The following TPST1 variants were observed in gnomAD, a reference collection of about 807,000 sequenced individuals.
TPST1 encodes the protein protein-tyrosine sulfotransferase 1.
TPST1 carries 20 observed loss-of-function variants against 34.8 expected under a neutral mutation model. That is an observed-to-expected ratio of 0.57 (90% CI 0.40 to 0.84). The LOEUF is 0.84. Among genes scored for constraint, TPST1 ranks in the 40% least tolerant of loss-of-function variants. The pLI is 0.00. For missense variants in TPST1, 353 were observed against 455.5 expected (o/e 0.78, Z 2.05); for synonymous variants, 152 against 159.4 (o/e 0.95, Z 0.35).
rs933944489 is a variant in TPST1, at chr7:66,356,736, G to A, written c.1096-89G>A. ...TCATCTGAAAGTGAACAGAGCCTGCGGGCCACCCCTCATGTTTCAGTGGGG... is the reference window on the plus strand; with the variant it reads ...TCATCTGAAAGTGAACAGAGCCTGCAGGCCACCCCTCATGTTTCAGTGGGG... On this transcript the variant is annotated intron_variant, in intron 4 of 5. Coordinates refer to ENST00000304842, the MANE Select transcript of TPST1 (RefSeq NM_003596.4). 5.7e-5 allele frequency: 84 copies of A among 1,481,004 alleles called. No homozygotes were observed. The African/African-American group carries it at 8.6e-4, about 15-fold the overall frequency. The allele number at this position is 1,481,004 out of a possible 1,614,324, so 91.7% of individuals were successfully genotyped here.
At position 66,210,488 on chromosome 7, in the gene TPST1, G is replaced by A. The variant is rs79857699; in HGVS notation, c.-102+4966G>A. 4.5e-4 allele frequency among the ~76,000 whole-genome samples: 68 copies of A among 152,324 alleles called. No homozygotes were observed. In the East Asian group the frequency reaches 0.013, roughly 28 times the overall value. ...CACCTGGGGAGCTTTTAAAGAATGAGGATGGGGGATCGAGGCATCCACAGG... is the reference window on the plus strand; with the variant it reads ...CACCTGGGGAGCTTTTAAAGAATGAAGATGGGGGATCGAGGCATCCACAGG... On this transcript the variant is annotated intron_variant, in intron 1 of 5. Coordinates refer to ENST00000304842, the MANE Select transcript of TPST1 (RefSeq NM_003596.4).
At chr7:66,277,929 GTCTC>G in intron 2 of TPST1, among the ~76,000 whole-genome samples, 1 of 151,776 alleles carries the variant, frequency 6.6e-6, no homozygotes, top group Admixed American at 6.6e-5. Flanking sequence ...GCGAAACCCT[GTCTC>G]TACTAAAAAT....
rs1429556550 is a variant in TPST1, at chr7:66,360,023, G to A, written c.*158G>A. 6.6e-6 allele frequency: 3 copies of A among 454,818 alleles called. No homozygotes were observed. The highest frequency in any genetic ancestry group is 6.0e-5 in the African/African-American group (3 of 50,054). The allele number at this position is 454,818 out of a possible 1,614,324, so 28.2% of individuals were successfully genotyped here. A position where few individuals can be genotyped will look rare whatever the true frequency, so the allele number is the denominator to read the frequency against. On this transcript the variant is annotated 3_prime_UTR_variant, in exon 6 of 6. Coordinates refer to ENST00000304842, the MANE Select transcript of TPST1 (RefSeq NM_003596.4). The stretch of plus-strand genomic sequence containing the variant: ...GCCAGTTTCCTCCCACTGAGAGGAT[G>A]GAGGTGTCCGCACAGCTTTGGGCCT...
Position 66,240,508 on chromosome 7 carries a change from C to T in TPST1, c.83C>T (p.Ala28Val). 3.1e-6 allele frequency: 5 copies of T among 1,614,148 alleles called. No homozygotes were observed. The highest frequency in any genetic ancestry group is 4.2e-6 in the Non-Finnish European group (5 of 1,180,020). Residue 28 changes from alanine (A) to valine (V), a missense_variant, in exon 2 of 6, where the codon GCC (alanine) becomes GTC (valine). Physicochemically the swap from Ala to Val is moderately conservative, Grantham distance 64. Transcript: ENST00000304842. ...ACTGTGTTTTACCTGGGCCAGCATG[C>T]CATGGAATGCCATCACCGGATAGAG... is the stretch of plus-strand genomic sequence containing the variant. Reference protein sequence around the residue: ...SVTVFYLGQHAMECHHRIEER... With the variant: ...SVTVFYLGQHVMECHHRIEER...
In TPST1 at chr7:66,356,122, T is replaced by A. The variant is rs545491663; in HGVS notation, c.1096-703T>A. Among the ~76,000 whole-genome samples, 84 of 152,280 alleles carry A rather than the reference T, an allele frequency of 5.5e-4. 1 individual carries two copies. The highest frequency in any genetic ancestry group is 1.1e-3 in the Non-Finnish European group (75 of 68,022). ...GGGCCCATAAGGTCTTCAGTTTAACTTCTAATGAAAATCAGCAGAAACTCA... is the reference window on the plus strand; with the variant it reads ...GGGCCCATAAGGTCTTCAGTTTAACATCTAATGAAAATCAGCAGAAACTCA... On this transcript the variant is annotated intron_variant, in intron 4 of 5. Transcript: ENST00000304842.
chr7:66,262,845 C>T (rs952125425), intron 2 of TPST1, among the ~76,000 whole-genome samples: 7 of 152,112 alleles, frequency 4.6e-5, no homozygotes, highest in African/African-American at 1.7e-4. Context: ...TGCCTGTAAT[C>T]CCAGCACTTT....
At chr7:66,343,249 G>T (rs1455085680) in intron 3 of TPST1, among the ~76,000 whole-genome samples, 2 of 152,202 alleles carry the variant, frequency 1.3e-5, no homozygotes, top group Non-Finnish European at 2.9e-5. Context: ...GGATGTGATT[G>T]TAACAACGTG....
chr7:66,286,637 TG>T lies in TPST1; in HGVS notation c.974del (p.Gly325AspfsTer56). On this transcript the variant is annotated frameshift_variant, in exon 3 of 6. Transcript: ENST00000304842. LOFTEE classifies it high-confidence loss of function. ...TGATTGCTCCTATGCTTGCCAAGCT[TG>T]GATATGACCCATATGCCAACCCACC... ...AVIAPMLAKL[G>X]YDPYANPPNY... 6.2e-7 allele frequency: 1 copy of T among 1,608,838 alleles called. No homozygotes were observed. The highest frequency in any genetic ancestry group is 8.5e-7 in the Non-Finnish European group (1 of 1,176,936).
chr7:66,304,821 CT>C (rs72110892), intron 3 of TPST1, among the ~76,000 whole-genome samples: 30,430 of 146,398 alleles, frequency 0.21, 3,466 homozygotes, highest in East Asian at 0.31. Context: ...TAGCCATTTC[CT>C]TTTTTTTTTT....
chr7:66,276,364 TC>T (rs1790811476), intron 2 of TPST1, among the ~76,000 whole-genome samples: 2 of 47,174 alleles, frequency 4.2e-5, no homozygotes, highest in Non-Finnish European at 4.1e-5. Flanking sequence ...TAAAAACATT[TC>T]ATATATATAT....
Position 66,274,524 on chromosome 7 carries a change from T to C in TPST1, c.846-11987T>C, listed in dbSNP as rs567010224. Among the ~76,000 whole-genome samples the C allele has an allele frequency of 2.0e-5, 3 of 152,220 alleles. No homozygotes were observed. In the East Asian group the frequency reaches 5.8e-4, roughly 29 times the overall value. On this transcript the variant is annotated intron_variant, in intron 2 of 5. Coordinates refer to ENST00000304842, the MANE Select transcript of TPST1 (RefSeq NM_003596.4). ...TAAGGGAAAAGCTCTGTGACATTGGTCTGGGCAATGAATTTTTGGATTTGA... is the reference window on the plus strand; with the variant it reads ...TAAGGGAAAAGCTCTGTGACATTGGCCTGGGCAATGAATTTTTGGATTTGA...
chr7:66,330,167 C>A (rs947880178), intron 3 of TPST1, among the ~76,000 whole-genome samples: 1 of 152,108 alleles, frequency 6.6e-6, no homozygotes, highest in Admixed American at 6.6e-5. Context: ...AATATGTTAC[C>A]TTATCTGGCA....
At chr7:66,309,860 C>T (rs1004327276) in intron 3 of TPST1, among the ~76,000 whole-genome samples, 2 of 151,574 alleles carry the variant, frequency 1.3e-5, no homozygotes, top group Admixed American at 6.6e-5. Flanking sequence ...AAAAAAAGAG[C>T]TTACAAATTT....
Position 66,262,212 on chromosome 7 carries a change from ATTC to A in TPST1, c.845+20945_845+20947del, listed in dbSNP as rs1364942889. Among the ~76,000 whole-genome samples the A allele has an allele frequency of 2.6e-5, 4 of 152,108 alleles. No individual in the cohort carries two copies. In the East Asian group the frequency reaches 7.7e-4, roughly 29 times the overall value. The stretch of plus-strand genomic sequence containing the variant: ...GCTGACTCTGAGGTTTGGGTGTCAT[ATTC>A]TTTAAGCCCTGGACCTGGGCAGTAA... On this transcript the variant is annotated intron_variant, in intron 2 of 5. Transcript: ENST00000304842.
At chr7:66,300,248 A>G (rs1348627384) in intron 3 of TPST1, among the ~76,000 whole-genome samples, 2 of 152,182 alleles carry the variant, frequency 1.3e-5, no homozygotes, top group African/African-American at 4.8e-5. Context: ...CTGTCTTTTC[A>G]ACAATATTCA....
chr7:66,303,391 GTGTATGTA>G (rs6150141), intron 3 of TPST1, among the ~76,000 whole-genome samples: 2 of 150,048 alleles, frequency 1.3e-5, no homozygotes, highest in African/African-American at 4.9e-5. Flanking sequence ...ACAGCTGTGT[GTGTATGTA>G]TGTATGTATG....
chr7:66,266,975 AC>A (rs1230163208), intron 2 of TPST1, among the ~76,000 whole-genome samples: 1 of 152,176 alleles, frequency 6.6e-6, no homozygotes, highest in Non-Finnish European at 1.5e-5. Context: ...ATTTTGAGTT[AC>A]ACACTTCAGA....
At chr7:66,316,217 G>T (rs1353414277) in intron 3 of TPST1, among the ~76,000 whole-genome samples, 1 of 151,746 alleles carries the variant, frequency 6.6e-6, no homozygotes, top group African/African-American at 2.4e-5. Context: ...AAATTATTTA[G>T]AATTGTTTTT....
chr7:66,202,844 C>G (rs889146633), upstream of TPST1, among the ~76,000 whole-genome samples: 1 of 152,028 alleles, frequency 6.6e-6, no homozygotes, highest in Non-Finnish European at 1.5e-5. Flanking sequence ...AAGGTGGAGC[C>G]GGGCAGATCA....
Sources: gnomAD v4.1 joint callset for allele counts (sites outside exome capture counted in the v4.1 genomes callset) on GRCh38, gnomAD v4.1.1 for gene constraint, MANE v1.5 for transcripts, NCBI Gene and HGNC (gene_info 2026-07-23, HGNC 2026-07-21) for gene names.